METTL2A: variants seen among roughly 807,000 people sequenced by gnomAD.
METTL2A encodes the protein tRNA N(3)-cytidine methyltransferase METTL2A.
Under a neutral mutation model 49.4 loss-of-function variants are expected in METTL2A, and 45 were observed. The observed-to-expected ratio is 0.91, with a 90% CI of 0.72 to 1.17. The LOEUF (loss-of-function observed/expected upper bound fraction) is 1.17, where lower values mean the gene tolerates loss of function less well. Among genes scored for constraint, METTL2A ranks in the 50% most tolerant of loss-of-function variants. The probability of loss-of-function intolerance (pLI) is 0.00; values close to 1 mark genes in which losing one functional copy is unlikely to be tolerated. For missense variants in METTL2A, 361 were observed against 462.2 expected, an observed-to-expected ratio of 0.78 and a Z score of 2.01; for synonymous variants, 118 against 167.5, an observed-to-expected ratio of 0.70 and a Z score of 2.28.
chr17:62,430,517 T>A (rs910636295), intron 4 of METTL2A, among the ~76,000 whole-genome samples: 2 of 152,174 alleles, frequency 1.3e-5, no homozygotes, highest in Non-Finnish European at 2.9e-5. Context: ...CTATAAAGTA[T>A]GTCCTCTTAT....
chr17:62,432,008 C>T (rs1186613115), intron 4 of METTL2A, among the ~76,000 whole-genome samples: 2 of 152,010 alleles, frequency 1.3e-5, no homozygotes, highest in African/African-American at 2.4e-5. Context: ...CGTGAGCCAC[C>T]GCACCTGGCC....
At chr17:62,434,376 C>T (rs1041520593) in intron 4 of METTL2A, among the ~76,000 whole-genome samples, 2 of 152,124 alleles carry the variant, frequency 1.3e-5, no homozygotes, top group African/African-American at 2.4e-5. Context: ...GAAGCAGAGC[C>T]CATGCCTTTG....
rs1187901468 is a variant in METTL2A, at chr17:62,444,838, A to T, written c.811A>T (p.Met271Leu). 3.1e-6 allele frequency: 5 copies of T among 1,613,730 alleles called. No homozygotes were observed. The South Asian group carries it at 3.3e-5, about 11-fold the overall frequency. The change falls in exon 7 of 9, where the codon ATG becomes TTG. Residue 271 changes from methionine to leucine, a missense_variant and splice_region_variant. By Grantham distance (15) the Met-to-Leu change is conservative. Around this residue, in one of 3 missense-constraint regions of METTL2A, gnomAD observed 183 missense variants for 216.5 expected, o/e 0.85. Transcript: ENST00000311506. ...CCGTCATTCCCTGCTGCTCCACAGG[A>T]TGCAGAAGGCTATCAACAGGCTGAG... ...FVLSAIVPDKMQKAINRLSRL... is the reference protein window; with the variant it reads ...FVLSAIVPDKLQKAINRLSRL...
chr17:62,443,276 G>C (rs2070748550), intron 6 of METTL2A, among the ~76,000 whole-genome samples: 2 of 152,152 alleles, frequency 1.3e-5, no homozygotes, highest in Non-Finnish European at 2.9e-5. Flanking sequence ...AGAAGGCTGA[G>C]GCAGGAGTAT....
chr17:62,447,817 T>C (rs2070779374), intron 8 of METTL2A, 51 bp downstream of exon 8: 13 of 1,609,758 alleles, frequency 8.1e-6, no homozygotes, highest in South Asian at 1.1e-5. Context: ...CCAGATGAGA[T>C]GGTCTTCAAG....
rs1415442674 is a variant in METTL2A at position 62,452,269 on chromosome 17, T to C, written c.*3540T>C. 1.3e-5 allele frequency among the ~76,000 whole-genome samples: 2 copies of C among 152,170 alleles called. No homozygotes were observed. Among genetic ancestry groups the C allele is most frequent in the African/African-American group, 2.4e-5 (1 of 41,448 alleles). On this transcript the variant is annotated 3_prime_UTR_variant, in exon 9 of 9. Transcript: ENST00000311506. ...TTTGGGCAGGAATATTCAGAGGTAA[T>C]GCTGTGTTCCTCCCATAGGATCGTA...
chr17:62,448,492 C>T (rs374689236), intron 8 of METTL2A, 83 bp from the exon 9 acceptor site: 8 of 1,536,634 alleles, frequency 5.2e-6, no homozygotes, highest in Middle Eastern at 3.7e-4. Flanking sequence ...CTTCCCAGAG[C>T]CCCTTTTAAC....
chr17:62,427,643 C>T, intron 3 of METTL2A, 145 bp from the exon 4 acceptor site: 2 of 1,364,670 alleles, frequency 1.5e-6, no homozygotes, highest in Non-Finnish European at 2.0e-6. Flanking sequence ...CAACAAATGT[C>T]ATGAGTACTG....
intron 4 of METTL2A, among the ~76,000 whole-genome samples, chr17:62,429,552 A>G (rs2070650831): frequency 6.6e-6 from 1 of 152,086 alleles, no homozygotes. Context: ...CGGCCTCCCA[A>G]AGTGCTGGGA....
At chr17:62,441,161 G>A (rs1364488161) in intron 6 of METTL2A, among the ~76,000 whole-genome samples, 1 of 152,216 alleles carries the variant, frequency 6.6e-6, no homozygotes, top group Non-Finnish European at 1.5e-5. Context: ...TTTTGTTTAT[G>A]TTCTGATAGA....
In METTL2A at chr17:62,423,937, T is replaced by A; in HGVS notation, c.35T>A (p.Val12Asp). ...TCCTACCCTGAAGGTGCACCTGCAG[T>A]CCTCGCCGATAAGAGGCAGCAGTTC... ...AGSYPEGAPAVLADKRQQFGS... is the reference protein window; with the variant it reads ...AGSYPEGAPADLADKRQQFGS... Residue 12 changes from valine to aspartate, a missense_variant, in exon 1 of 9, where the codon GTC (valine) becomes GAC (aspartate). Val to Asp is a radical substitution (Grantham distance 152). This residue lies in a region of METTL2A where 150 missense variants were observed against 170.1 expected (regional missense o/e 0.88). Transcript: ENST00000311506. 6.2e-7 allele frequency: 1 copy of A among 1,613,544 alleles called. No individual in the cohort carries two copies.
Position 62,426,644 on chromosome 17 carries a change from G to A in METTL2A, c.548G>A (p.Arg183Gln), listed in dbSNP as rs761742658. The change falls in exon 3 of 9, where the codon CGA becomes CAA. Residue 183 changes from arginine to glutamine, a missense_variant. Around this residue, in one of 3 missense-constraint regions of METTL2A, gnomAD observed 28 missense variants for 75.6 expected, o/e 0.37. Transcript: ENST00000311506. ...DEFPGSSATY[R>Q]ILEVGCGVGN... is the part of the protein sequence containing the mutation. ...TTTCCTGGATCCTCAGCCACCTACC[G>A]AATACTGGAGGTAACCTTTTATTGT... is the stretch of plus-strand genomic sequence containing the variant. 28 of 1,383,394 alleles carry A rather than the reference G, an allele frequency of 2.0e-5. No homozygotes were observed. Among genetic ancestry groups the A allele is most frequent in the African/African-American group, 4.2e-5 (3 of 70,916 alleles). 85.7% of individuals were successfully genotyped at this position (1,383,394 alleles called of 1,614,324 possible).
At chr17:62,445,569 T>C (rs28684400) in intron 7 of METTL2A, among the ~76,000 whole-genome samples, 21,871 of 151,794 alleles carry the variant, frequency 0.14, 3,934 homozygotes, top group East Asian at 0.45. Flanking sequence ...GAGGCCGAGG[T>C]GGGTGGATCG....
chr17:62,425,093 C>T lies in METTL2A; in HGVS notation c.202+783C>T, dbSNP rs992490895. Among the ~76,000 whole-genome samples the T allele has an allele frequency of 5.8e-4, 87 of 150,744 alleles. 1 individual carries two copies. Among genetic ancestry groups the T allele is most frequent in the Non-Finnish European group, 5.9e-5 (4 of 67,838 alleles). On this transcript the variant is annotated intron_variant, in intron 2 of 8. Coordinates refer to ENST00000311506, the MANE Select transcript of METTL2A (RefSeq NM_181725.4). ...AATATTCTCTTTTTATAGTTAAAGA[C>T]ACTTGGACCACAGGACATTAAGTGC... is the stretch of plus-strand genomic sequence containing the variant.
chr17:62,424,803 G>A (rs139242219), intron 2 of METTL2A, among the ~76,000 whole-genome samples: 19 of 151,994 alleles, frequency 1.3e-4, no homozygotes, highest in East Asian at 5.8e-4. Flanking sequence ...AAAGGTGGAT[G>A]CAGCAGAGTG....
intron 8 of METTL2A, among the ~76,000 whole-genome samples, chr17:62,448,081 A>G (rs1471642236): frequency 2.0e-5 from 3 of 151,914 alleles, no homozygotes; most frequent in Admixed American, 6.6e-5. Context: ...CACCCTCTAC[A>G]CGGGGTTGTG....
chr17:62,431,970 C>T (rs1289539956), intron 4 of METTL2A, among the ~76,000 whole-genome samples: 1 of 152,172 alleles, frequency 6.6e-6, no homozygotes, highest in Non-Finnish European at 1.5e-5. Context: ...CTGCCTGCCT[C>T]GGCCTGCCAA....
At chr17:62,443,060 A>C (rs530774824) in intron 6 of METTL2A, among the ~76,000 whole-genome samples, 3 of 152,278 alleles carry the variant, frequency 2.0e-5, no homozygotes, top group African/African-American at 7.2e-5. Context: ...AAGGCCTACC[A>C]TGGTTTTAAA....
At position 62,450,113 on chromosome 17, in the gene METTL2A, A is replaced by C. The variant is rs1222937438; in HGVS notation, c.*1384A>C. ...CGTCTCAAAAAAAAAAAAGAAAAGA[A>C]TTTTCACTTTTTGCAAAATTATCTT... On this transcript the variant is annotated 3_prime_UTR_variant, in exon 9 of 9. Coordinates refer to ENST00000311506, the MANE Select transcript of METTL2A (RefSeq NM_181725.4). 1 of 151,942 alleles carries C rather than the reference A, an allele frequency of 6.6e-6. No homozygotes were observed. The highest frequency in any genetic ancestry group is 1.5e-5 in the Non-Finnish European group (1 of 68,010). The allele number at this position is 151,942 out of a possible 1,614,324, so 9.4% of individuals were successfully genotyped here.
Sources: allele counts gnomAD v4.1 joint callset (sites outside exome capture counted in the v4.1 genomes callset), GRCh38; gene constraint gnomAD v4.1.1; regional missense constraint gnomAD v4.1.1; transcripts MANE v1.5; gene names NCBI Gene and HGNC (gene_info 2026-07-23, HGNC 2026-07-21).